Variants in SCAPER observed in about 807,000 individuals in gnomAD.
SCAPER encodes the protein S-phase cyclin A associated protein in the ER, also known as S phase cyclin A-associated protein in the endoplasmic reticulum.
SCAPER carries 98 observed loss-of-function variants against 182.2 expected under a neutral mutation model. That is an observed-to-expected ratio of 0.54 (90% CI 0.46 to 0.64). The LOEUF (loss-of-function observed/expected upper bound fraction) is 0.64, where lower values mean the gene tolerates loss of function less well. Among genes scored for constraint, SCAPER ranks in the 30% least tolerant of loss-of-function variants. The pLI is 0.00. For missense variants in SCAPER, 1,432 were observed against 1,690.0 expected (o/e 0.85, Z 2.68); for synonymous variants, 605 against 564.6 (o/e 1.07, Z -1.01).
At chr15:76,748,666 G>A (rs1175901887) in intron 15 of SCAPER, among the ~76,000 whole-genome samples, 1 of 150,826 alleles carries the variant, frequency 6.6e-6, no homozygotes, top group African/African-American at 2.4e-5. Context: ...AAGACAAACT[G>A]CCCAGGTAAA....
At chr15:76,560,257 C>T (rs924257787) in intron 23 of SCAPER, among the ~76,000 whole-genome samples, 3 of 152,050 alleles carry the variant, frequency 2.0e-5, no homozygotes, top group African/African-American at 4.8e-5. Context: ...TAATCCTATC[C>T]TACTTTTCAA....
chr15:76,833,869 C>T (rs747165047), intron 5 of SCAPER, among the ~76,000 whole-genome samples: 5 of 152,176 alleles, frequency 3.3e-5, no homozygotes, highest in Non-Finnish European at 5.9e-5. Context: ...CATAAGTTCT[C>T]AGAGACCTAT....
At chr15:76,687,585 TC>T (rs1377018905) in intron 20 of SCAPER, among the ~76,000 whole-genome samples, 1 of 152,068 alleles carries the variant, frequency 6.6e-6, no homozygotes, top group African/African-American at 2.4e-5. Flanking sequence ...ATACTATCCC[TC>T]CCCTAGCACC....
chr15:76,665,633 T>G lies in SCAPER; in HGVS notation c.2645+20A>C. ...CATCACTAAAAGTTTTTCTTTTGCT[T>G]TTAAGGGTATTTAAGGTACCTGAAG... On this transcript the variant is annotated intron_variant, in intron 21 of 31. Coordinates refer to ENST00000563290, the MANE Select transcript of SCAPER (RefSeq NM_020843.4). The G allele has an allele frequency of 6.4e-7, 1 of 1,567,238 alleles. No individual in the cohort carries two copies. The highest frequency in any genetic ancestry group is 8.6e-7 in the Non-Finnish European group (1 of 1,164,158).
intron 25 of SCAPER, among the ~76,000 whole-genome samples, chr15:76,462,823 T>C (rs2049296455): frequency 6.6e-6 from 1 of 152,172 alleles, no homozygotes; most frequent in Non-Finnish European, 1.5e-5. Flanking sequence ...CAACATCCCT[T>C]AACTGTTCTC....
chr15:76,684,229 A>G (rs569466856), intron 20 of SCAPER, among the ~76,000 whole-genome samples: 2 of 152,300 alleles, frequency 1.3e-5, no homozygotes, highest in African/African-American at 4.8e-5. Context: ...ATTAACTCTG[A>G]ATGGTATAAA....
intron 8 of SCAPER, among the ~76,000 whole-genome samples, chr15:76,787,804 C>A (rs1429977984): frequency 6.6e-6 from 1 of 151,976 alleles, no homozygotes; most frequent in Non-Finnish European, 1.5e-5. Flanking sequence ...TATGGGTAGA[C>A]AATGAATTCT....
At chr15:76,649,586 AT>A (rs1025844382) in intron 21 of SCAPER, among the ~76,000 whole-genome samples, 1 of 150,434 alleles carries the variant, frequency 6.6e-6, no homozygotes, top group Admixed American at 6.6e-5. Context: ...TTCTATTTAT[AT>A]TTTTTACATA....
intron 21 of SCAPER, among the ~76,000 whole-genome samples, chr15:76,637,392 C>G (rs967674597): frequency 2.0e-5 from 3 of 152,060 alleles, no homozygotes; most frequent in African/African-American, 7.2e-5. Flanking sequence ...TCCAATTTCT[C>G]TACATTCTTG....
At chr15:76,638,864 T>C (rs2053863531) in intron 21 of SCAPER, among the ~76,000 whole-genome samples, 1 of 152,216 alleles carries the variant, frequency 6.6e-6, no homozygotes, top group Non-Finnish European at 1.5e-5. Context: ...ATAAGCACTT[T>C]ACATGAATTA....
At chr15:76,508,756 A>T (rs578032100) in intron 23 of SCAPER, among the ~76,000 whole-genome samples, 1 of 152,264 alleles carries the variant, frequency 6.6e-6, no homozygotes. Flanking sequence ...ATACTGTTCA[A>T]TCAAACTTGA....
intron 16 of SCAPER, among the ~76,000 whole-genome samples, chr15:76,731,061 C>CT (rs2060895125): frequency 6.6e-6 from 1 of 152,170 alleles, no homozygotes; most frequent in Admixed American, 6.5e-5. Context: ...AGACAGGAAA[C>CT]TTTGTACCTC....
chr15:76,454,982 T>C (rs2048622606), intron 25 of SCAPER, among the ~76,000 whole-genome samples: 1 of 152,192 alleles, frequency 6.6e-6, no homozygotes, highest in Admixed American at 6.5e-5. Flanking sequence ...AGCTTTCAAA[T>C]GCACTGGTAT....
intron 1 of SCAPER, among the ~76,000 whole-genome samples, chr15:76,886,827 A>G (rs2073866451): frequency 6.6e-6 from 1 of 152,238 alleles, no homozygotes; most frequent in Admixed American, 6.5e-5. Context: ...GTCATTAAAA[A>G]GAATGAGATC....
chr15:76,554,640 G>A lies in SCAPER; in HGVS notation c.2838+19518C>T, dbSNP rs184725800. 1.3e-4 allele frequency among the ~76,000 whole-genome samples: 20 copies of A among 149,310 alleles called. 1 individual carries two copies. In the East Asian group the frequency reaches 3.1e-3, roughly 23 times the overall value. On this transcript the variant is annotated intron_variant, in intron 23 of 31. Transcript: ENST00000563290. Reference sequence around the variant, plus strand: ...GGCTATTTTTCATGTCTCCAAGGTCGACATAAAATAAAAAAAGAAAGAAAC... The same window carrying A: ...GGCTATTTTTCATGTCTCCAAGGTCAACATAAAATAAAAAAAGAAAGAAAC...
At chr15:76,689,277 C>T (rs373432149) in intron 20 of SCAPER, among the ~76,000 whole-genome samples, 17 of 151,342 alleles carry the variant, frequency 1.1e-4, no homozygotes, top group African/African-American at 1.5e-4. Flanking sequence ...TCAACTGAGA[C>T]GGGGTAGAGG....
In SCAPER at chr15:76,820,839, G is replaced by A. The variant is rs79438204; in HGVS notation, c.394-16206C>T. Reference sequence around the variant, plus strand: ...AGTCCTTAACAGACACTTCACCAAAGAAGATATACAAATGGAAAATAAACA... The same window carrying A: ...AGTCCTTAACAGACACTTCACCAAAAAAGATATACAAATGGAAAATAAACA... On this transcript the variant is annotated intron_variant, in intron 5 of 31. Transcript: ENST00000563290. 2.6e-3 allele frequency among the ~76,000 whole-genome samples: 392 copies of A among 151,462 alleles called. 5 individuals are homozygous for A. The highest frequency in any genetic ancestry group is 7.7e-4 in the Non-Finnish European group (52 of 67,838).
intron 21 of SCAPER, among the ~76,000 whole-genome samples, chr15:76,641,683 G>C (rs1335694678): frequency 1.3e-5 from 2 of 152,084 alleles, no homozygotes; most frequent in Non-Finnish European, 2.9e-5. Context: ...TCACCCAGCA[G>C]GAACAAGAAA....
chr15:76,563,586 GTA>G (rs1215139427), intron 23 of SCAPER, among the ~76,000 whole-genome samples: 1 of 151,998 alleles, frequency 6.6e-6, no homozygotes, highest in Admixed American at 6.6e-5. Context: ...AGTCTATCAG[GTA>G]TACAAAGAAG....
Sources: gnomAD v4.1 joint callset for allele counts (sites outside exome capture counted in the v4.1 genomes callset) on GRCh38, gnomAD v4.1.1 for gene constraint, MANE v1.5 for transcripts, NCBI Gene and HGNC (gene_info 2026-07-23, HGNC 2026-07-21) for gene names.